The following TNRC6C variants were observed in gnomAD, a reference collection of about 807,000 sequenced individuals.
TNRC6C encodes trinucleotide repeat-containing gene 6C protein.
Under a neutral mutation model 153.7 loss-of-function variants are expected in TNRC6C, and 20 were observed. The observed-to-expected ratio is 0.13, with a 90% CI of 0.09 to 0.19. The LOEUF is 0.19. Ranked by LOEUF, TNRC6C falls within the 10% of genes least tolerant of loss-of-function variation. The pLI, the probability that TNRC6C is intolerant of heterozygous loss-of-function variation, is 1.00. For missense variants in TNRC6C, 1,987 were observed against 2,172.0 expected (o/e 0.91, Z 1.69); for synonymous variants, 811 against 841.4 (o/e 0.96, Z 0.63).
intron 13 of TNRC6C, among the ~76,000 whole-genome samples, chr17:78,088,403 C>A (rs947286597): frequency 1.6e-4 from 23 of 147,048 alleles, no homozygotes; most frequent in African/African-American, 5.7e-4. Context: ...ATTTTTCTTT[C>A]TTTTTTTTTT....
intron 1 of TNRC6C, among the ~76,000 whole-genome samples, chr17:78,026,773 G>A (rs2071949354): frequency 6.6e-6 from 1 of 152,190 alleles, no homozygotes; most frequent in South Asian, 2.1e-4. Context: ...CAGTATAGAT[G>A]ATGGATTAGA....
At chr17:78,076,238 A>G (rs111284759) in intron 8 of TNRC6C, among the ~76,000 whole-genome samples, 1 of 150,782 alleles carries the variant, frequency 6.6e-6, no homozygotes, top group Non-Finnish European at 1.5e-5. Flanking sequence ...AAAAAGAAAA[A>G]AAAAAAAGGA....
chr17:77,966,117 A>G (rs1431724522), intron 1 of TNRC6C, among the ~76,000 whole-genome samples: 1 of 152,210 alleles, frequency 6.6e-6, no homozygotes, highest in East Asian at 1.9e-4. Flanking sequence ...GTTTGGAAAT[A>G]TTTTGTAAAG....
chr17:78,101,277 C>T (rs2073589559), intron 17 of TNRC6C, among the ~76,000 whole-genome samples: 1 of 152,180 alleles, frequency 6.6e-6, no homozygotes, highest in Non-Finnish European at 1.5e-5. Context: ...ACAAGAGCCA[C>T]CTTTGCCCCA....
chr17:77,992,217 C>CACTGGGAACGTTCACACTT (rs1404757893), intron 1 of TNRC6C, among the ~76,000 whole-genome samples: 14 of 121,228 alleles, frequency 1.2e-4, no homozygotes, highest in South Asian at 8.2e-4. Context: ...TAAGCAAAAC[C>CACTGGGAACGTTCACACTT]GGCCGGGCGC....
At position 78,067,929 on chromosome 17, in the gene TNRC6C, T is replaced by A. The variant is rs1335048457; in HGVS notation, c.2778+6T>A. The A allele has an allele frequency of 3.1e-6, 5 of 1,605,992 alleles. No homozygotes were observed. The Admixed American group carries it at 8.6e-5, about 28-fold the overall frequency. On this transcript the variant is annotated splice_donor_region_variant and intron_variant, in intron 5 of 19. Transcript: ENST00000301624. ...CCAAAAAAGGACTTCAAAAGGTAAG[T>A]ACAACACTCTTAACGACGGTACACC...
intron 1 of TNRC6C, among the ~76,000 whole-genome samples, chr17:77,982,603 G>A (rs899387010): frequency 2.0e-5 from 3 of 152,146 alleles, no homozygotes; most frequent in African/African-American, 4.8e-5. Flanking sequence ...AGGCTGAGGC[G>A]GGCAGATCAC....
At chr17:77,969,770 C>CT (rs1254531466) in intron 1 of TNRC6C, among the ~76,000 whole-genome samples, 1 of 151,778 alleles carries the variant, frequency 6.6e-6, no homozygotes, top group Non-Finnish European at 1.5e-5. Context: ...TCACGGATTC[C>CT]TTTATTTTTC....
chr17:77,975,234 GT>G lies in TNRC6C; in HGVS notation c.-38+15975del, dbSNP rs145066507. On this transcript the variant is annotated intron_variant, in intron 1 of 22. Coordinates refer to the TNRC6C transcript ENST00000636222. The stretch of plus-strand genomic sequence containing the variant: ...ATCAAATACGTTATTACCTTAGGAG[GT>G]TTTTTTTTAGCATCTGTATTAAGGT... 7.9e-3 allele frequency among the ~76,000 whole-genome samples: 1,198 copies of G among 151,068 alleles called. 22 individuals are homozygous for G. Among genetic ancestry groups the G allele is most frequent in the African/African-American group, 0.027 (1,117 of 41,172 alleles).
Position 78,075,624 on chromosome 17 carries a change from G to A in TNRC6C, c.3060+346G>A, listed in dbSNP as rs78912300. 6.2e-3 allele frequency among the ~76,000 whole-genome samples: 943 copies of A among 152,240 alleles called. 9 individuals carry two copies. The highest frequency in any genetic ancestry group is 0.022 in the African/African-American group (896 of 41,518). ...CACAGATCTTCCCTTTGGAAATTACGTGTTAGATGTTTATCCTCAGGAAAA... is the reference window on the plus strand; with the variant it reads ...CACAGATCTTCCCTTTGGAAATTACATGTTAGATGTTTATCCTCAGGAAAA... On this transcript the variant is annotated intron_variant, in intron 8 of 19. Coordinates refer to ENST00000301624, the Ensembl canonical transcript of TNRC6C. The surrounding 1 kb of genome is among the most constrained non-coding windows in gnomAD (Gnocchi z 4.2).
chr17:77,999,264 A>G (rs1366526746), upstream of TNRC6C, among the ~76,000 whole-genome samples: 1 of 152,110 alleles, frequency 6.6e-6, no homozygotes, highest in African/African-American at 2.4e-5. Context: ...GCTGCGAAAG[A>G]TGGGTTTCTC....
intron 1 of TNRC6C, among the ~76,000 whole-genome samples, chr17:78,007,712 TTGGATA>T (rs2071546894): frequency 6.6e-6 from 1 of 152,160 alleles, no homozygotes; most frequent in African/African-American, 2.4e-5. Context: ...AGTCCGAGAG[TTGGATA>T]CTCTTAAGAG....
chr17:78,047,935 T>C (rs1289277031), intron 2 of TNRC6C, among the ~76,000 whole-genome samples: 3 of 152,220 alleles, frequency 2.0e-5, no homozygotes, highest in Non-Finnish European at 4.4e-5. Flanking sequence ...GGAAATAAAA[T>C]GTAGATCCAA....
chr17:78,105,749 T>A (rs1001438479), exon 20 of TNRC6C: 6 of 152,230 alleles, frequency 3.9e-5, no homozygotes, highest in Non-Finnish European at 1.5e-5. Context: ...GTATTCAGTA[T>A]ACGCTTTTTT....
chr17:77,984,075 G>T (rs1214409993), intron 1 of TNRC6C, among the ~76,000 whole-genome samples: 1 of 152,172 alleles, frequency 6.6e-6, no homozygotes, highest in African/African-American at 2.4e-5. Flanking sequence ...TTGTTGCTCA[G>T]TTCCCAGTTT....
exon 9 of TNRC6C, chr17:78,077,279 C>T: frequency 5.7e-6 from 9 of 1,592,340 alleles, no homozygotes; most frequent in Non-Finnish European, 7.7e-6. Flanking sequence ...CCCAGTCAGG[C>T]CCTGGGTGGG....
chr17:78,066,046 C>G (rs1220943524), intron 4 of TNRC6C, among the ~76,000 whole-genome samples: 3 of 152,066 alleles, frequency 2.0e-5, no homozygotes, highest in African/African-American at 7.2e-5. Flanking sequence ...GCCTGGCCAA[C>G]AAGGTGAAAC....
chr17:78,030,175 A>G (rs1177348411), intron 1 of TNRC6C, among the ~76,000 whole-genome samples: 1 of 151,940 alleles, frequency 6.6e-6, no homozygotes. Context: ...TTGGAGACGG[A>G]GTCTCGCTCT....
At chr17:77,959,436 C>T (rs1187829300) in intron 1 of TNRC6C, among the ~76,000 whole-genome samples, 168 bp downstream of exon 1, 2 of 151,162 alleles carry the variant, frequency 1.3e-5, no homozygotes, top group African/African-American at 4.8e-5. Context: ...CGGGAAGCGG[C>T]CGGGGCCGGG....
Sources: gnomAD v4.1 joint callset for allele counts (sites outside exome capture counted in the v4.1 genomes callset) on GRCh38, gnomAD v4.1.1 for gene constraint, Gnocchi (gnomAD v3.1) non-coding constraint, MANE v1.5 for transcripts, NCBI Gene and HGNC (gene_info 2026-07-23, HGNC 2026-07-21) for gene names.